ZNF423: variants seen among roughly 807,000 people sequenced by gnomAD.
ZNF423 encodes zinc finger protein 423.
ZNF423 carries 12 observed loss-of-function variants against 95.8 expected under a neutral mutation model. That is an observed-to-expected ratio of 0.13 (90% CI 0.08 to 0.20). ZNF423 has a LOEUF of 0.20. Ranked by LOEUF, ZNF423 falls within the 10% of genes least tolerant of loss-of-function variation. The pLI, the probability that ZNF423 is intolerant of heterozygous loss-of-function variation, is 1.00. For missense variants in ZNF423, 1,316 were observed against 1,737.1 expected, an observed-to-expected ratio of 0.76 and a Z score of 4.31; for synonymous variants, 749 against 711.9, an observed-to-expected ratio of 1.05 and a Z score of -0.83.
rs1198441293 is a variant in ZNF423 at position 49,525,384 on chromosome 16, T to G, written c.3712A>C (p.Lys1238Gln). Reference sequence around the variant, plus strand: ...TTACCTGTGAAACACACGGGGCATTTGAAGGTGCCGCCCATGCCCTCGAAG... The same window carrying G: ...TTACCTGTGAAACACACGGGGCATTGGAAGGTGCCGCCCATGCCCTCGAAG... ...HSFEGMGGTF[K>Q]CPVCFTVFVQ... is the part of the protein sequence containing the mutation. The change falls in exon 6 of 8, where the codon AAA becomes CAA. Residue 1238 changes from lysine (K) to glutamine (Q), a missense_variant. Transcript: ENST00000563137. 6.2e-7 allele frequency: 1 copy of G among 1,614,028 alleles called. No homozygotes were observed. The highest frequency in any genetic ancestry group is 8.5e-7 in the Non-Finnish European group (1 of 1,179,934).
At chr16:49,669,488 A>G (rs1329287103) in intron 3 of ZNF423, among the ~76,000 whole-genome samples, 1 of 152,134 alleles carries the variant, frequency 6.6e-6, no homozygotes, top group Non-Finnish European at 1.5e-5. Flanking sequence ...CCCAGCACAG[A>G]TTCATCTCAG....
chr16:49,703,425 C>T (rs771789720), intron 3 of ZNF423, among the ~76,000 whole-genome samples: 1 of 152,198 alleles, frequency 6.6e-6, no homozygotes, highest in African/African-American at 2.4e-5. Context: ...CCCATCCACC[C>T]AGCCCTACAT....
chr16:49,669,711 G>T (rs2030718826), intron 3 of ZNF423, among the ~76,000 whole-genome samples: 1 of 151,964 alleles, frequency 6.6e-6, no homozygotes, highest in African/African-American at 2.4e-5. Flanking sequence ...ATCTCCCCCT[G>T]CACCCCCTCA....
chr16:49,801,731 T>A (rs2034585527), intron 1 of ZNF423, among the ~76,000 whole-genome samples: 1 of 152,234 alleles, frequency 6.6e-6, no homozygotes, highest in African/African-American at 2.4e-5. Context: ...CTTTGATGCG[T>A]GCTTAAGTTT....
At chr16:49,805,947 G>T (rs760984143) in intron 1 of ZNF423, among the ~76,000 whole-genome samples, 5 of 152,220 alleles carry the variant, frequency 3.3e-5, no homozygotes, top group Non-Finnish European at 7.3e-5. Context: ...CCCTTTCTGG[G>T]GAACCGCCTG....
intron 1 of ZNF423, among the ~76,000 whole-genome samples, chr16:49,849,741 T>C (rs188471544): frequency 9.2e-5 from 14 of 152,206 alleles, no homozygotes; most frequent in Admixed American, 2.0e-4. Flanking sequence ...AAAGGGAAAT[T>C]ATATCTTTAA....
At chr16:49,634,601 G>A (rs1300603754) in intron 4 of ZNF423, among the ~76,000 whole-genome samples, 2 of 152,152 alleles carry the variant, frequency 1.3e-5, no homozygotes, top group African/African-American at 4.8e-5. Flanking sequence ...GTCCCAGCCG[G>A]TGCCTATGGC....
chr16:49,545,213 T>G (rs147140822), intron 5 of ZNF423, among the ~76,000 whole-genome samples: 3,551 of 152,344 alleles, frequency 0.023, 59 homozygotes, highest in Middle Eastern at 0.058. Flanking sequence ...GGTGGCATTT[T>G]TCGTCCCATT....
At chr16:49,508,060 C>T (rs1487264735) in intron 7 of ZNF423, among the ~76,000 whole-genome samples, 1 of 152,164 alleles carries the variant, frequency 6.6e-6, no homozygotes, top group Non-Finnish European at 1.5e-5. Flanking sequence ...AGCTCTGAGG[C>T]CTTGGGGGGT....
At chr16:49,835,765 G>A (rs77141446) in intron 1 of ZNF423, among the ~76,000 whole-genome samples, 2,319 of 152,326 alleles carry the variant, frequency 0.015, 109 homozygotes, top group East Asian at 0.14. Flanking sequence ...CAGAGGGTCC[G>A]GTGCCTGGGA....
chr16:49,602,703 CTCCTGCCGAT>C (rs1210108632), intron 5 of ZNF423, among the ~76,000 whole-genome samples: 15 of 152,302 alleles, frequency 9.8e-5, no homozygotes, highest in Non-Finnish European at 4.4e-5. Flanking sequence ...GCAGGAATTG[CTCCTGCCGAT>C]TCAAAACCAG....
At position 49,855,508 on chromosome 16, in the gene ZNF423, C is replaced by G. The variant is rs1279889377; in HGVS notation, c.40+227G>C. ...GCAGGGAGGGTGTCCGCGGCGTACC[C>G]CCTCCGCCGCCGCCGCCGCCGCCGC... On this transcript the variant is annotated intron_variant, in intron 1 of 7. Transcript: ENST00000563137. The surrounding 1 kb of genome is among the most constrained non-coding windows in gnomAD (Gnocchi z 4.7). 1.0e-5 allele frequency among the ~76,000 whole-genome samples: 1 copy of G among 100,426 alleles called. No individual in the cohort carries two copies. Among genetic ancestry groups the G allele is most frequent in the Non-Finnish European group, 1.9e-5 (1 of 51,410 alleles). The allele number at this position is 100,426 out of a possible 152,430, so 65.9% of individuals were successfully genotyped here.
intron 1 of ZNF423, among the ~76,000 whole-genome samples, chr16:49,844,812 T>G (rs1337667373): frequency 6.6e-6 from 1 of 151,754 alleles, no homozygotes; most frequent in Non-Finnish European, 1.5e-5. Context: ...CTGAGAAGGG[T>G]GTACACCTGA....
intron 1 of ZNF423, among the ~76,000 whole-genome samples, chr16:49,799,719 CATGATG>C (rs375563451): frequency 6.6e-6 from 1 of 152,134 alleles, no homozygotes; most frequent in Non-Finnish European, 1.5e-5. Context: ...CTAATAAAAA[CATGATG>C]ATGATGATGA....
intron 1 of ZNF423, among the ~76,000 whole-genome samples, chr16:49,803,177 T>C (rs2034607793): frequency 6.6e-6 from 1 of 152,172 alleles, no homozygotes; most frequent in Non-Finnish European, 1.5e-5. Context: ...GAGGATCACT[T>C]GAGCCCAGGA....
In ZNF423 at chr16:49,588,752, C is replaced by T. The variant is rs186094402; in HGVS notation, c.3601+37418G>A. Reference sequence around the variant, plus strand: ...AATCCTATATCTTTTAAAATATCTACCTCAATCCAAAGCCAAGCAAGAATA... The same window carrying T: ...AATCCTATATCTTTTAAAATATCTATCTCAATCCAAAGCCAAGCAAGAATA... On this transcript the variant is annotated intron_variant, in intron 5 of 7. Coordinates refer to ENST00000563137, the MANE Select transcript of ZNF423 (RefSeq NM_001379286.1). Among the ~76,000 whole-genome samples the T allele has an allele frequency of 1.8e-4, 28 of 152,308 alleles. 1 individual carries two copies. The South Asian group carries it at 2.3e-3, about 12-fold the overall frequency.
In ZNF423 at chr16:49,563,062, C is replaced by T. The variant is rs541203899; in HGVS notation, c.3602-37568G>A. ...CCTCCCAAAGTGCTGGAATTACAGG[C>T]ATGAGCCACCGCGCCCACACAGCCA... On this transcript the variant is annotated intron_variant, in intron 5 of 7. Coordinates refer to ENST00000563137, the MANE Select transcript of ZNF423 (RefSeq NM_001379286.1). Among the ~76,000 whole-genome samples the T allele has an allele frequency of 1.2e-4, 18 of 152,024 alleles. 1 individual carries two copies. The South Asian group carries it at 2.3e-3, about 19-fold the overall frequency.
intron 1 of ZNF423, chr16:49,847,293 T>C (rs1481549366): frequency 6.6e-6 from 1 of 152,288 alleles, no homozygotes; most frequent in African/African-American, 2.4e-5. Flanking sequence ...CTCCTTGTCA[T>C]AGACAAACTG....
chr16:49,547,686 A>G (rs1013866281), intron 5 of ZNF423, among the ~76,000 whole-genome samples: 1 of 152,200 alleles, frequency 6.6e-6, no homozygotes, highest in East Asian at 1.9e-4. Flanking sequence ...ACTCCACCAC[A>G]GCCACCCAGC....
Sources: allele counts gnomAD v4.1 joint callset (sites outside exome capture counted in the v4.1 genomes callset), GRCh38; gene constraint gnomAD v4.1.1; non-coding constraint Gnocchi (gnomAD v3.1); transcripts MANE v1.5; gene names NCBI Gene and HGNC (gene_info 2026-07-23, HGNC 2026-07-21).